ADAM22: variants seen among roughly 807,000 people sequenced by gnomAD.
The protein encoded by ADAM22 is disintegrin and metalloproteinase domain-containing protein 22.
A neutral mutation model predicts 144.6 loss-of-function variants in ADAM22; 65 were observed. The ratio of observed to expected loss-of-function variants is 0.45; its 90% CI spans 0.37 to 0.55. The LOEUF (loss-of-function observed/expected upper bound fraction) is 0.55. ADAM22 is among the 20% of genes least tolerant of loss of function. ADAM22 has a pLI of 0.00. For missense variants in ADAM22, 974 were observed against 1,184.9 expected, an observed-to-expected ratio of 0.82 and a Z score of 2.61; for synonymous variants, 391 against 412.6, an observed-to-expected ratio of 0.95 and a Z score of 0.63.
intron 18 of ADAM22, among the ~76,000 whole-genome samples, chr7:88,150,109 C>T (rs139150332): frequency 3.9e-5 from 6 of 152,216 alleles, no homozygotes; most frequent in African/African-American, 1.4e-4. Context: ...CCTTATTCAC[C>T]GATGTCATTA....
At chr7:87,935,773 T>G (rs1357363029) in intron 2 of ADAM22, among the ~76,000 whole-genome samples, 2 of 152,238 alleles carry the variant, frequency 1.3e-5, no homozygotes, top group African/African-American at 4.8e-5. Context: ...AGCAGTTCTC[T>G]TGGTTTAATT....
At chr7:88,155,377 G>A (rs991998001) in intron 21 of ADAM22, among the ~76,000 whole-genome samples, 5 of 151,878 alleles carry the variant, frequency 3.3e-5, no homozygotes, top group Admixed American at 2.6e-4. Flanking sequence ...TTAAAAGTTA[G>A]TTGGGTCTGG....
In ADAM22 at chr7:88,101,632, T is replaced by C. The variant is rs191116900; in HGVS notation, c.391-6544T>C. Among the ~76,000 whole-genome samples, 9 of 152,326 alleles carry C rather than the reference T, an allele frequency of 5.9e-5. No homozygotes were observed. The East Asian group carries it at 1.7e-3, about 29-fold the overall frequency. ...AATACAGCTCTGCCCTTCCTTGATA[T>C]TCTTATCTCACCTTTTACCTTCCAT... On this transcript the variant is annotated intron_variant, in intron 4 of 31. Coordinates refer to ENST00000413139, the MANE Select transcript of ADAM22 (RefSeq NM_001324418.2).
At chr7:88,145,314 A>G in intron 16 of ADAM22, 101 bp from the exon 17 acceptor site, 1 of 1,494,292 alleles carries the variant, frequency 6.7e-7, no homozygotes, top group East Asian at 2.3e-5. Flanking sequence ...TTGTGGAAGA[A>G]AAATTATTGT....
intron 3 of ADAM22, among the ~76,000 whole-genome samples, chr7:88,070,509 T>C (rs567329079): frequency 6.6e-6 from 1 of 152,334 alleles, no homozygotes; most frequent in East Asian, 1.9e-4. Context: ...TCTGAGGCTG[T>C]TTCTTTGAAA....
At chr7:87,993,272 C>A (rs1361259589) in intron 3 of ADAM22, among the ~76,000 whole-genome samples, 1 of 152,154 alleles carries the variant, frequency 6.6e-6, no homozygotes, top group Non-Finnish European at 1.5e-5. Context: ...CAGGTGCTCC[C>A]TTTATCAAAA....
In ADAM22 at chr7:88,151,293, A is replaced by G; in HGVS notation, c.1654A>G (p.Arg552Gly). ...TGGAGGAAGATGCAAAACCAGAGAT[A>G]GACAATGCAAATACATTTGGGGGCA... Reference protein sequence around the residue: ...CFGGRCKTRDRQCKYIWGQKV... With the variant: ...CFGGRCKTRDGQCKYIWGQKV... The change falls in exon 20 of 32, where the codon AGA becomes GGA. Residue 552 changes from arginine (R) to glycine (G), a missense_variant. Physicochemically the swap from Arg to Gly is moderately radical, Grantham distance 125 (BLOSUM62 -2). This residue lies in a region of ADAM22 where 734 missense variants were observed against 950.6 expected (regional missense o/e 0.77). Coordinates refer to ENST00000413139, the MANE Select transcript of ADAM22 (RefSeq NM_001324418.2). 1.2e-6 allele frequency: 2 copies of G among 1,614,178 alleles called. No individual in the cohort carries two copies.
chr7:88,117,735 C>A (rs1231994264), intron 7 of ADAM22, among the ~76,000 whole-genome samples: 1 of 151,320 alleles, frequency 6.6e-6, no homozygotes, highest in Non-Finnish European at 1.5e-5. Flanking sequence ...GCTCTATCGC[C>A]CAGGCTGGAA....
At chr7:88,008,518 A>T (rs1018086696) in intron 3 of ADAM22, among the ~76,000 whole-genome samples, 6 of 152,204 alleles carry the variant, frequency 3.9e-5, no homozygotes, top group Non-Finnish European at 8.8e-5. Context: ...CAACAATGAT[A>T]GACTGGATTA....
At chr7:88,151,675 A>G (rs1838435037) in intron 20 of ADAM22, among the ~76,000 whole-genome samples, 2 of 152,152 alleles carry the variant, frequency 1.3e-5, no homozygotes, top group Non-Finnish European at 2.9e-5. Context: ...CTTCACAACC[A>G]TATGGGATGG....
intron 4 of ADAM22, among the ~76,000 whole-genome samples, chr7:88,082,117 T>A (rs9690267): frequency 0.14 from 21,419 of 152,082 alleles, 2,332 homozygotes; most frequent in African/African-American, 0.29. Flanking sequence ...CAAAACAGTA[T>A]GGTACTGGTA....
At position 88,179,081 on chromosome 7, in the gene ADAM22, C is replaced by A; in HGVS notation, c.2447C>A (p.Ser816Tyr). 6.8e-7 allele frequency: 1 copy of A among 1,461,044 alleles called. No individual in the cohort carries two copies. The highest frequency in any genetic ancestry group is 9.6e-7 in the Non-Finnish European group (1 of 1,041,358). The allele number at this position is 1,461,044 out of a possible 1,614,324, so 90.5% of individuals were successfully genotyped here. Reference protein sequence around the residue: ...FLSHFQISTCSITHYSISQNI... With the variant: ...FLSHFQISTCYITHYSISQNI... ...TCGCATTTTCAGATTTCTACCTGTT[C>A]CATCACACATTATTCCATTAGTCAG... Residue 816 changes from serine (S) to tyrosine (Y), a missense_variant, in exon 27 of 32, where the codon TCC becomes TAC. Coordinates refer to ENST00000413139, the MANE Select transcript of ADAM22 (RefSeq NM_001324418.2).
rs1850905432 is a variant in ADAM22 at position 88,198,456 on chromosome 7, G to A, written c.*1965G>A. 6.6e-6 allele frequency: 1 copy of A among 152,210 alleles called. No homozygotes were observed. Among genetic ancestry groups the A allele is most frequent in the South Asian group, 2.1e-4 (1 of 4,834 alleles). 9.4% of individuals were successfully genotyped at this position (152,210 alleles called of 1,614,324 possible). ...AAGGTTTGGGTGAGTGTTGGGCAGT[G>A]TTGCCACATAGCTCAAGCCAAGAAC... is the stretch of plus-strand genomic sequence containing the variant. On this transcript the variant is annotated 3_prime_UTR_variant, in exon 32 of 32. Transcript: ENST00000413139.
chr7:88,081,160 T>C (rs1000299592), intron 4 of ADAM22, among the ~76,000 whole-genome samples: 2 of 152,124 alleles, frequency 1.3e-5, no homozygotes, highest in Non-Finnish European at 2.9e-5. Flanking sequence ...GTGGGCTTCA[T>C]CCCTGGGATG....
rs1285831255 is a variant in ADAM22 at position 88,015,937 on chromosome 7, TTC to T, written c.323+37527_323+37528del. Among the ~76,000 whole-genome samples, 10 of 121,084 alleles carry T rather than the reference TTC, an allele frequency of 8.3e-5. No homozygotes were observed. In the Admixed American group the frequency reaches 9.1e-4, roughly 11 times the overall value. 79.4% of individuals were successfully genotyped at this position (121,084 alleles called of 152,430 possible). On this transcript the variant is annotated intron_variant, in intron 3 of 31. Coordinates refer to ENST00000413139, the MANE Select transcript of ADAM22 (RefSeq NM_001324418.2). ...CCATGAGACAACTGCTTTCAAATCC[TTC>T]TTTTTTTTTAATTTTTCTTCATATA...
chr7:88,011,947 C>T (rs1795524633), intron 3 of ADAM22, among the ~76,000 whole-genome samples: 1 of 151,550 alleles, frequency 6.6e-6, no homozygotes, highest in Non-Finnish European at 1.5e-5. Context: ...TTTTCTCTTG[C>T]TTGTTTTTAT....
intron 4 of ADAM22, among the ~76,000 whole-genome samples, chr7:88,097,984 C>T (rs1821887603): frequency 6.6e-6 from 1 of 152,202 alleles, no homozygotes; most frequent in East Asian, 1.9e-4. Context: ...AACTACATCT[C>T]AGAGAATCTG....
intron 2 of ADAM22, among the ~76,000 whole-genome samples, chr7:87,966,973 G>A (rs1278496084): frequency 6.6e-6 from 1 of 151,814 alleles, no homozygotes; most frequent in Non-Finnish European, 1.5e-5. Context: ...TGAATGATGG[G>A]GATGGTTACC....
At chr7:88,060,197 C>A (rs977671284) in intron 3 of ADAM22, among the ~76,000 whole-genome samples, 3 of 152,140 alleles carry the variant, frequency 2.0e-5, no homozygotes, top group Non-Finnish European at 2.9e-5. Context: ...TGGCTGCTGA[C>A]TGATCAGAAT....
Sources: allele counts gnomAD v4.1 joint callset (sites outside exome capture counted in the v4.1 genomes callset), GRCh38; gene constraint gnomAD v4.1.1; regional missense constraint gnomAD v4.1.1; transcripts MANE v1.5; gene names NCBI Gene and HGNC (gene_info 2026-07-23, HGNC 2026-07-21).